The following CPS1 variants were observed in gnomAD, a reference collection of about 807,000 sequenced individuals.
CPS1 encodes the protein carbamoyl-phosphate synthase [ammonia], mitochondrial.
CPS1 carries 109 observed loss-of-function variants against 174.6 expected under a neutral mutation model. That is an observed-to-expected ratio of 0.62 (90% CI 0.53 to 0.73). CPS1 has a LOEUF of 0.73. Ranked by LOEUF, CPS1 falls within the 30% of genes least tolerant of loss-of-function variation. CPS1 has a pLI of 0.00. For synonymous variants in CPS1, 637 were observed against 632.0 expected (o/e 1.01, Z -0.12); for missense variants, 1,689 against 1,821.9 (o/e 0.93, Z 1.33).
intron 1 of CPS1, among the ~76,000 whole-genome samples, chr2:210,514,284 T>C (rs1695612327): frequency 6.6e-6 from 1 of 152,084 alleles, no homozygotes; most frequent in South Asian, 2.1e-4. Context: ...AGTGTGGCCA[T>C]TTTAATAATA....
chr2:210,615,742 C>T (rs2105864839), intron 20 of CPS1, among the ~76,000 whole-genome samples: 1 of 152,080 alleles, frequency 6.6e-6, no homozygotes, highest in African/African-American at 2.4e-5. Flanking sequence ...ATAAAGTAAG[C>T]TTGAGGAAGA....
At chr2:210,668,744 A>G (rs1212100768) in intron 34 of CPS1, among the ~76,000 whole-genome samples, 2 of 152,044 alleles carry the variant, frequency 1.3e-5, no homozygotes, top group African/African-American at 2.4e-5. Flanking sequence ...TCTTCTATCT[A>G]TAGCTACCAC....
At chr2:210,661,597 AGGATGCCTT>A (rs1425038857) in intron 32 of CPS1, among the ~76,000 whole-genome samples, 1 of 152,296 alleles carries the variant, frequency 6.6e-6, no homozygotes, top group Non-Finnish European at 1.5e-5. Flanking sequence ...CTGATAATGT[AGGATGCCTT>A]GAATTTTATA....
At chr2:210,643,857 G>A (rs773324579) in intron 25 of CPS1, among the ~76,000 whole-genome samples, 1 of 152,030 alleles carries the variant, frequency 6.6e-6, no homozygotes, top group Non-Finnish European at 1.5e-5. Flanking sequence ...AGATAGACAG[G>A]TGGGGATCAA....
At chr2:210,648,561 C>G in intron 27 of CPS1, 21 bp downstream of exon 27, 1 of 1,599,158 alleles carries the variant, frequency 6.3e-7, no homozygotes, top group Non-Finnish European at 8.6e-7. Flanking sequence ...ATATTGTTTT[C>G]CAAAACAATG....
intron 1 of CPS1, among the ~76,000 whole-genome samples, chr2:210,557,872 G>T (rs1370924682): frequency 6.6e-6 from 1 of 151,982 alleles, no homozygotes; most frequent in Non-Finnish European, 1.5e-5. Flanking sequence ...CTCAAGTCAG[G>T]ATTCAGTGGG....
At chr2:210,651,991 A>G (rs1377769883) in intron 28 of CPS1, among the ~76,000 whole-genome samples, 3 of 152,194 alleles carry the variant, frequency 2.0e-5, no homozygotes, top group African/African-American at 7.2e-5. Context: ...TGAACATCGC[A>G]ATAGAGAAAA....
At chr2:210,664,650 A>G (rs1559135343) in intron 33 of CPS1, among the ~76,000 whole-genome samples, 1 of 152,122 alleles carries the variant, frequency 6.6e-6, no homozygotes, top group Admixed American at 6.6e-5. Flanking sequence ...ATTTGTTTTC[A>G]GTGGTTATGT....
chr2:210,514,329 T>G (rs1022844149), intron 1 of CPS1, among the ~76,000 whole-genome samples: 13 of 152,076 alleles, frequency 8.5e-5, no homozygotes, highest in Non-Finnish European at 1.6e-4. Flanking sequence ...AAAATGTTTT[T>G]CCATTTGTTT....
At chr2:210,593,255 A>G in intron 11 of CPS1, 2 of 761,166 alleles carry the variant, frequency 2.6e-6, no homozygotes, top group Non-Finnish European at 3.7e-6. Context: ...TGTACTATGC[A>G]AATGAATTCC....
chr2:210,642,710 T>C (rs1217490415), intron 25 of CPS1, 45 bp downstream of exon 25: 2 of 1,535,284 alleles, frequency 1.3e-6, no homozygotes, highest in African/African-American at 1.4e-5. Flanking sequence ...AAGACAGATA[T>C]ATGTAGTATA....
intron 1 of CPS1, among the ~76,000 whole-genome samples, chr2:210,491,377 C>T (rs1489211399): frequency 3.5e-5 from 4 of 113,644 alleles, no homozygotes; most frequent in Admixed American, 1.4e-4. Context: ...TGGAATGGTG[C>T]GATCTTGGCT....
Position 210,541,695 on chromosome 2 carries a change from G to A in CPS1, c.4-15024G>A, listed in dbSNP as rs114866913. ...ACTTTATTTAAACCAGTATTTCTGT[G>A]ATGTGAAGTACATTTCCCCCAAAGG... On this transcript the variant is annotated intron_variant, in intron 1 of 38. Transcript: ENST00000430249. Among the ~76,000 whole-genome samples the A allele has an allele frequency of 7.2e-3, 1,091 of 152,238 alleles. 8 individuals are homozygous for A. Among genetic ancestry groups the A allele is most frequent in the African/African-American group, 0.025 (1,032 of 41,536 alleles).
At chr2:210,499,310 A>G (rs1001110768) in intron 1 of CPS1, among the ~76,000 whole-genome samples, 2 of 152,106 alleles carry the variant, frequency 1.3e-5, no homozygotes, top group African/African-American at 2.4e-5. Flanking sequence ...CCCAGAAATG[A>G]TACACATAAA....
chr2:210,532,849 TA>T (rs757202480), intron 1 of CPS1, among the ~76,000 whole-genome samples: 31 of 152,184 alleles, frequency 2.0e-4, no homozygotes, highest in Non-Finnish European at 2.6e-4. Context: ...AAATATTTTT[TA>T]AAGTTTTGAT....
chr2:210,505,753 G>T (rs571157620), intron 1 of CPS1, among the ~76,000 whole-genome samples: 5 of 152,194 alleles, frequency 3.3e-5, no homozygotes, highest in African/African-American at 1.2e-4. Flanking sequence ...CCCACACCTG[G>T]CACGAAGGGT....
intron 21 of CPS1, 128 bp from the exon 22 acceptor site, chr2:210,637,574 G>A (rs1700075680): frequency 1.0e-6 from 1 of 983,080 alleles, no homozygotes; most frequent in African/African-American, 1.6e-5. Flanking sequence ...ATTTTTAAAA[G>A]ATAACAAGAC....
chr2:210,486,736 T>C (rs779304718), intron 1 of CPS1, among the ~76,000 whole-genome samples: 6 of 152,194 alleles, frequency 3.9e-5, no homozygotes, highest in Non-Finnish European at 7.3e-5. Context: ...TCTCGAACTC[T>C]TGACCTCAGG....
At chr2:210,531,648 T>TAG (rs1696117741) in intron 1 of CPS1, among the ~76,000 whole-genome samples, 1 of 152,130 alleles carries the variant, frequency 6.6e-6, no homozygotes, top group South Asian at 2.1e-4. Flanking sequence ...GAGTTAATAG[T>TAG]AGAATGCTCT....
Sources: gnomAD v4.1 joint callset for allele counts (sites outside exome capture counted in the v4.1 genomes callset) on GRCh38, gnomAD v4.1.1 for gene constraint, MANE v1.5 for transcripts, NCBI Gene and HGNC (gene_info 2026-07-23, HGNC 2026-07-21) for gene names.